Variants in ZC3H12C observed in about 807,000 individuals in gnomAD.
ZC3H12C encodes the protein zinc finger CCCH-type containing 12C, also known as probable ribonuclease ZC3H12C.
Under a neutral mutation model 76.3 loss-of-function variants are expected in ZC3H12C, and 20 were observed. That is an observed-to-expected ratio of 0.26 (90% CI 0.18 to 0.38). The LOEUF (loss-of-function observed/expected upper bound fraction) is 0.38. Ranked by LOEUF, ZC3H12C falls within the 10% of genes least tolerant of loss-of-function variation. The pLI is 1.00. For missense variants in ZC3H12C, 874 were observed against 1,086.5 expected, an observed-to-expected ratio of 0.80 and a Z score of 2.75; for synonymous variants, 352 against 399.6, an observed-to-expected ratio of 0.88 and a Z score of 1.42.
intron 2 of ZC3H12C, among the ~76,000 whole-genome samples, chr11:110,138,112 TTAAAA>T (rs1862003921): frequency 6.6e-6 from 1 of 151,772 alleles, no homozygotes; most frequent in Admixed American, 6.6e-5. Context: ...ATATATATAT[TTAAAA>T]TAAAATTTTA....
intron 1 of ZC3H12C, among the ~76,000 whole-genome samples, chr11:110,131,276 A>G (rs546937340): frequency 1.3e-5 from 2 of 152,364 alleles, no homozygotes; most frequent in African/African-American, 2.4e-5. Context: ...TCTGCGAAGC[A>G]GATTTTTACA....
At position 110,169,050 on chromosome 11, in the gene ZC3H12C, G is replaced by A. The variant is rs1862629337; in HGVS notation, c.*3313G>A. On this transcript the variant is annotated 3_prime_UTR_variant, in exon 6 of 6. Coordinates refer to ENST00000278590, the MANE Select transcript of ZC3H12C (RefSeq NM_033390.2). ...ATGTTTCTTTGAGTTGTGAACGACC[G>A]AGTCTGGGGTCTGGACGGCCAATGA... The A allele has an allele frequency of 6.6e-6, 1 of 152,090 alleles. No individual in the cohort carries two copies. The highest frequency in any genetic ancestry group is 1.5e-5 in the Non-Finnish European group (1 of 67,994). The allele number at this position is 152,090 out of a possible 1,614,324, so 9.4% of individuals were successfully genotyped here. A position where few individuals can be genotyped will look rare whatever the true frequency, so the allele number is the denominator to read the frequency against.
At chr11:110,118,987 T>G (rs1016331871) in intron 1 of ZC3H12C, among the ~76,000 whole-genome samples, 2 of 152,178 alleles carry the variant, frequency 1.3e-5, no homozygotes, top group African/African-American at 4.8e-5. Flanking sequence ...TCTCAATAGC[T>G]TTTTGGTTAA....
intron 1 of ZC3H12C, among the ~76,000 whole-genome samples, chr11:110,103,025 A>G (rs1227035695): frequency 6.6e-6 from 1 of 152,232 alleles, no homozygotes; most frequent in Non-Finnish European, 1.5e-5. Flanking sequence ...GAAAATTTGC[A>G]TCACTTGCCC....
chr11:110,165,824 C>A lies in ZC3H12C; in HGVS notation c.*87C>A, dbSNP rs1473174083. 7.9e-7 allele frequency: 1 copy of A among 1,271,754 alleles called. No individual in the cohort carries two copies. The highest frequency in any genetic ancestry group is 1.1e-6 in the Non-Finnish European group (1 of 932,990). The allele number at this position is 1,271,754 out of a possible 1,614,324, so 78.8% of individuals were successfully genotyped here. On this transcript the variant is annotated 3_prime_UTR_variant, in exon 6 of 6. Transcript: ENST00000278590. ...TTGCTACAATAGCACATGTGATCTC[C>A]TTCTCAGCAAGGAGGTTATATAGTA...
chr11:110,118,079 A>T lies in ZC3H12C; in HGVS notation c.22-18584A>T, dbSNP rs796565850. ...TATATATATACACACACACATATAT[A>T]TTATATATATACACATACACACACA... On this transcript the variant is annotated intron_variant, in intron 1 of 5. Transcript: ENST00000278590. Among the ~76,000 whole-genome samples the T allele has an allele frequency of 7.4e-4, 33 of 44,596 alleles. 1 individual carries two copies. Among genetic ancestry groups the T allele is most frequent in the Admixed American group, 2.3e-3 (9 of 3,968 alleles). 29.3% of individuals were successfully genotyped at this position (44,596 alleles called of 152,430 possible).
Position 110,136,575 on chromosome 11 carries a change from T to TAGTTGAGC in ZC3H12C, c.22-81_22-80insCAGTTGAG, listed in dbSNP as rs909970724. ...TAGACAAAATACAAAGTATTTTGAG[T>TAGTTGAGC]AGTTGAGTAATTCTCTTCTGACTTC... is the stretch of plus-strand genomic sequence containing the variant. On this transcript the variant is annotated intron_variant, in intron 1 of 5. Transcript: ENST00000278590. 49 of 1,390,570 alleles carry TAGTTGAGC rather than the reference T, an allele frequency of 3.5e-5. No individual in the cohort carries two copies. The African/African-American group carries it at 6.1e-4, about 17-fold the overall frequency. 86.1% of individuals were successfully genotyped at this position (1,390,570 alleles called of 1,614,324 possible). A position where few individuals can be genotyped will look rare whatever the true frequency, so the allele number is the denominator to read the frequency against.
intron 1 of ZC3H12C, among the ~76,000 whole-genome samples, chr11:110,110,677 T>TCC (rs1861410022): frequency 6.8e-6 from 1 of 148,104 alleles, no homozygotes; most frequent in Non-Finnish European, 1.5e-5. Flanking sequence ...CCCTTTTATT[T>TCC]CCCATTAAGT....
At position 110,165,286 on chromosome 11, in the gene ZC3H12C, C is replaced by T. The variant is rs758569905; in HGVS notation, c.2201C>T (p.Ser734Phe). The T allele has an allele frequency of 2.5e-6, 4 of 1,614,048 alleles. No homozygotes were observed. Among genetic ancestry groups the T allele is most frequent in the Non-Finnish European group, 3.4e-6 (4 of 1,179,894 alleles). Residue 734 changes from serine to phenylalanine, a missense_variant, in exon 6 of 6, where the codon TCT (serine) becomes TTT (phenylalanine). By Grantham distance (155) the Ser-to-Phe change is radical. Transcript: ENST00000278590. Reference sequence around the variant, plus strand: ...CCCTCTCCTCCAAGTTCAGCACACTCTAAGGCACCACACCTAGGGAGGTCC... The same window carrying T: ...CCCTCTCCTCCAAGTTCAGCACACTTTAAGGCACCACACCTAGGGAGGTCC... ...DYPSPPSSAH[S>F]KAPHLGRSLV...
intron 3 of ZC3H12C, among the ~76,000 whole-genome samples, chr11:110,158,782 TC>T (rs1404772346): frequency 6.6e-6 from 1 of 152,208 alleles, no homozygotes; most frequent in African/African-American, 2.4e-5. Context: ...AACTTCTACT[TC>T]CTTTCATACT....
At position 110,168,108 on chromosome 11, in the gene ZC3H12C, G is replaced by T. The variant is rs12786675; in HGVS notation, c.*2371G>T. 6.6e-6 allele frequency: 1 copy of T among 152,016 alleles called. No homozygotes were observed. Among genetic ancestry groups the T allele is most frequent in the Non-Finnish European group, 1.5e-5 (1 of 67,984 alleles). The allele number at this position is 152,016 out of a possible 1,614,324, so 9.4% of individuals were successfully genotyped here. ...TACATTTATTTAAATGAGATCTTAG[G>T]TGAGATGTGTGTGACACTTTGAATT... On this transcript the variant is annotated 3_prime_UTR_variant, in exon 6 of 6. Coordinates refer to ENST00000278590, the MANE Select transcript of ZC3H12C (RefSeq NM_033390.2).
At chr11:110,120,984 C>T in intron 1 of ZC3H12C, among the ~76,000 whole-genome samples, 1 of 152,154 alleles carries the variant, frequency 6.6e-6, no homozygotes, top group East Asian at 1.9e-4. Context: ...AAGAAAGAAA[C>T]TCTGAAGTCA....
At chr11:110,102,558 G>C (rs1031661377) in intron 1 of ZC3H12C, among the ~76,000 whole-genome samples, 4 of 152,126 alleles carry the variant, frequency 2.6e-5, no homozygotes, top group African/African-American at 4.8e-5. Context: ...TGAAGATGCC[G>C]TGAACCATTG....
intron 1 of ZC3H12C, among the ~76,000 whole-genome samples, chr11:110,093,651 A>G (rs7119747): frequency 0.7 from 106,744 of 151,492 alleles, 37,901 homozygotes; most frequent in East Asian, 0.89. Flanking sequence ...CGGAAAGCCC[A>G]GCGCATCCTC....
rs968410758 is a variant in ZC3H12C at position 110,170,547 on chromosome 11, T to G, written c.*4810T>G. 6.6e-6 allele frequency: 1 copy of G among 152,238 alleles called. No individual in the cohort carries two copies. Among genetic ancestry groups the G allele is most frequent in the African/African-American group, 2.4e-5 (1 of 41,472 alleles). 9.4% of individuals were successfully genotyped at this position (152,238 alleles called of 1,614,324 possible). A position where few individuals can be genotyped will look rare whatever the true frequency, so the allele number is the denominator to read the frequency against. ...TGTAGCTATAATGTGAGTGGCATGTTACAATGTAACTCTTTATGAGAAATA... is the reference window on the plus strand; with the variant it reads ...TGTAGCTATAATGTGAGTGGCATGTGACAATGTAACTCTTTATGAGAAATA... On this transcript the variant is annotated 3_prime_UTR_variant, in exon 6 of 6. Transcript: ENST00000278590.
In ZC3H12C at chr11:110,152,899, G is replaced by A. The variant is rs1038437061; in HGVS notation, c.774-20G>A. On this transcript the variant is annotated intron_variant, in intron 2 of 5. Coordinates refer to ENST00000278590, the MANE Select transcript of ZC3H12C (RefSeq NM_033390.2). Reference sequence around the variant, plus strand: ...ATTTAGGTTTTGTTGTGTTTTAAGTGTTCCGTAATAATCTTTCAGCCATGG... The same window carrying A: ...ATTTAGGTTTTGTTGTGTTTTAAGTATTCCGTAATAATCTTTCAGCCATGG... 1 of 1,606,786 alleles carries A rather than the reference G, an allele frequency of 6.2e-7. No individual in the cohort carries two copies. The highest frequency in any genetic ancestry group is 1.7e-5 in the Admixed American group (1 of 59,082).
Position 110,117,911 on chromosome 11 carries a change from A to G in ZC3H12C, c.22-18752A>G, listed in dbSNP as rs936060384. Among the ~76,000 whole-genome samples the G allele has an allele frequency of 1.3e-4, 15 of 116,586 alleles. 2 individuals carry two copies. Among genetic ancestry groups the G allele is most frequent in the African/African-American group, 3.3e-4 (11 of 33,010 alleles). The allele number at this position is 116,586 out of a possible 152,430, so 76.5% of individuals were successfully genotyped here. ...ATTATATATATACACACACACATAT[A>G]TATTATATATATACACACACACATA... On this transcript the variant is annotated intron_variant, in intron 1 of 5. Transcript: ENST00000278590.
intron 1 of ZC3H12C, among the ~76,000 whole-genome samples, chr11:110,125,802 G>T (rs1565255446): frequency 6.6e-6 from 1 of 152,226 alleles, no homozygotes; most frequent in Non-Finnish European, 1.5e-5. Context: ...GGGCAAACAG[G>T]TGAGTAACAT....
At chr11:110,154,369 C>CA (rs11410915) in intron 3 of ZC3H12C, among the ~76,000 whole-genome samples, 97,107 of 141,034 alleles carry the variant, frequency 0.69, 33,440 homozygotes, top group South Asian at 0.79. Context: ...GACCCCATCT[C>CA]AAAAAAAAAA....
Sources: allele counts gnomAD v4.1 joint callset (sites outside exome capture counted in the v4.1 genomes callset), GRCh38; gene constraint gnomAD v4.1.1; transcripts MANE v1.5; gene names NCBI Gene and HGNC (gene_info 2026-07-23, HGNC 2026-07-21).